LRFN2: variants seen among roughly 807,000 people sequenced by gnomAD.
LRFN2 encodes leucine-rich repeat and fibronectin type-III domain-containing protein 2.
Under a neutral mutation model 37.3 loss-of-function variants are expected in LRFN2, and 18 were observed. The observed-to-expected ratio is 0.48, with a 90% CI of 0.33 to 0.72. The LOEUF is 0.72. Among genes scored for constraint, LRFN2 ranks in the 30% least tolerant of loss-of-function variants. The pLI is 0.02. For synonymous variants in LRFN2, 556 were observed against 466.6 expected (o/e 1.19, Z -2.47); for missense variants, 1,006 against 1,060.7 (o/e 0.95, Z 0.72).
chr6:40,492,137 G>T (rs546259866), intron 1 of LRFN2, among the ~76,000 whole-genome samples: 5 of 152,336 alleles, frequency 3.3e-5, no homozygotes, highest in East Asian at 1.9e-4. Flanking sequence ...GTGGTCTAAG[G>T]TACCTTTGAG....
chr6:40,510,660 G>A (rs1385893669), intron 1 of LRFN2, among the ~76,000 whole-genome samples: 1 of 152,244 alleles, frequency 6.6e-6, no homozygotes, highest in Non-Finnish European at 1.5e-5. Context: ...GTGATAAGCT[G>A]ACAGGTCCAT....
intron 1 of LRFN2, among the ~76,000 whole-genome samples, chr6:40,553,098 C>T (rs576093899): frequency 5.6e-4 from 86 of 152,280 alleles, no homozygotes; most frequent in African/African-American, 1.9e-3. Flanking sequence ...CCTTCTTGTT[C>T]GCTCCGCTCT....
intron 1 of LRFN2, among the ~76,000 whole-genome samples, chr6:40,500,325 G>A (rs928920564): frequency 2.0e-5 from 3 of 152,264 alleles, no homozygotes; most frequent in South Asian, 2.1e-4. Flanking sequence ...CACAGGGGAC[G>A]TGGAGGGTGA....
At chr6:40,510,565 A>G (rs980291597) in intron 1 of LRFN2, among the ~76,000 whole-genome samples, 3 of 152,240 alleles carry the variant, frequency 2.0e-5, no homozygotes, top group African/African-American at 7.2e-5. Flanking sequence ...ATGATGCCAG[A>G]CCTTGGGTTC....
chr6:40,585,692 C>T (rs1353656387), intron 1 of LRFN2, among the ~76,000 whole-genome samples: 1 of 152,116 alleles, frequency 6.6e-6, no homozygotes, highest in Non-Finnish European at 1.5e-5. Flanking sequence ...CTTCACAGCC[C>T]AGGGAATGGC....
intron 1 of LRFN2, among the ~76,000 whole-genome samples, chr6:40,566,053 C>A (rs1767084030): frequency 6.6e-6 from 1 of 152,128 alleles, no homozygotes; most frequent in Non-Finnish European, 1.5e-5. Context: ...AAACAAACAG[C>A]CCCATCAAAA....
intron 1 of LRFN2, among the ~76,000 whole-genome samples, chr6:40,516,909 A>C (rs999177765): frequency 2.0e-5 from 3 of 152,194 alleles, no homozygotes; most frequent in Non-Finnish European, 1.5e-5. Context: ...TCATCTGGGC[A>C]GAGCTCTCCA....
At chr6:40,535,258 G>A (rs1239978345) in intron 1 of LRFN2, among the ~76,000 whole-genome samples, 3 of 152,106 alleles carry the variant, frequency 2.0e-5, no homozygotes, top group Non-Finnish European at 2.9e-5. Context: ...ATGCCCTTTG[G>A]GAGGCATTCT....
chr6:40,570,597 G>A (rs1767169575), intron 1 of LRFN2, among the ~76,000 whole-genome samples: 1 of 152,190 alleles, frequency 6.6e-6, no homozygotes, highest in African/African-American at 2.4e-5. Context: ...AAACCAACAA[G>A]CAGATACAGA....
rs558284614 is a variant in LRFN2 at position 40,535,842 on chromosome 6, G to T, written c.-19+51099C>A. ...GTGTAGAGAACCCAGGTCAGCCAAA[G>T]CTTCCTTTGATGTGCACAATGCAGA... On this transcript the variant is annotated intron_variant, in intron 1 of 2. Transcript: ENST00000338305. Among the ~76,000 whole-genome samples the T allele has an allele frequency of 5.3e-5, 8 of 152,140 alleles. No homozygotes were observed. In the South Asian group the frequency reaches 1.7e-3, roughly 32 times the overall value.
intron 1 of LRFN2, among the ~76,000 whole-genome samples, chr6:40,511,147 C>T (rs968355503): frequency 7.9e-5 from 12 of 151,962 alleles, no homozygotes; most frequent in Admixed American, 4.6e-4. Flanking sequence ...TGAGGGGGCA[C>T]GAAGGTCAGA....
chr6:40,522,855 G>A (rs535997822), intron 1 of LRFN2, among the ~76,000 whole-genome samples: 1 of 152,228 alleles, frequency 6.6e-6, no homozygotes, highest in Non-Finnish European at 1.5e-5. Context: ...CCTGTGTCAT[G>A]TTTGTGACTC....
intron 2 of LRFN2, among the ~76,000 whole-genome samples, chr6:40,409,876 T>A (rs1373674844): frequency 6.6e-6 from 1 of 152,208 alleles, no homozygotes; most frequent in Non-Finnish European, 1.5e-5. Context: ...GCTGCTGAGT[T>A]GCTGCATCAT....
intron 1 of LRFN2, among the ~76,000 whole-genome samples, chr6:40,566,492 C>T (rs1404897338): frequency 2.0e-5 from 3 of 152,028 alleles, no homozygotes; most frequent in Non-Finnish European, 4.4e-5. Flanking sequence ...CCCAAATGTC[C>T]AACAATGATA....
rs573534122 is a variant in LRFN2 at position 40,555,863 on chromosome 6, C to A, written c.-19+31078G>T. Among the ~76,000 whole-genome samples the A allele has an allele frequency of 3.3e-3, 498 of 152,300 alleles. 3 individuals carry two copies. Among genetic ancestry groups the A allele is most frequent in the African/African-American group, 0.011 (467 of 41,570 alleles). ...CATCCCTCCCCACACCGCTCTCTGACATGCACAATGTCCATATAATTTCTT... is the reference window on the plus strand; with the variant it reads ...CATCCCTCCCCACACCGCTCTCTGAAATGCACAATGTCCATATAATTTCTT... On this transcript the variant is annotated intron_variant, in intron 1 of 2. Coordinates refer to ENST00000338305, the MANE Select transcript of LRFN2 (RefSeq NM_020737.3).
In LRFN2 at chr6:40,563,754, G is replaced by T. The variant is rs147940553; in HGVS notation, c.-19+23187C>A. On this transcript the variant is annotated intron_variant, in intron 1 of 2. Coordinates refer to ENST00000338305, the MANE Select transcript of LRFN2 (RefSeq NM_020737.3). ...ACAATAAGATGATAAGACAGATGTG[G>T]AAGTAGCTTCAGCCTCCCCACAATT... Among the ~76,000 whole-genome samples, 60 of 152,250 alleles carry T rather than the reference G, an allele frequency of 3.9e-4. No individual in the cohort carries two copies. The South Asian group carries it at 6.2e-3, about 16-fold the overall frequency.
Position 40,432,379 on chromosome 6 carries a change from G to A in LRFN2, c.735C>T (p.His245=), listed in dbSNP as rs1392951360. ...GCAGCCAGAGAAGCTCACAATTGCA[G>A]TGAAGTGGGTTACCCCCAAAACTAA... ...LSFSFGGNPL[H]CNCELLWLRR... is the part of the protein sequence containing the mutation. Residue 245 remains histidine (H), a synonymous_variant, in exon 2 of 3, where the codon CAC becomes CAT. Transcript: ENST00000338305. The A allele has an allele frequency of 6.2e-7, 1 of 1,614,180 alleles. No individual in the cohort carries two copies. Among genetic ancestry groups the A allele is most frequent in the East Asian group, 2.2e-5 (1 of 44,874 alleles).
intron 1 of LRFN2, among the ~76,000 whole-genome samples, chr6:40,468,902 G>A (rs1417259821): frequency 6.6e-6 from 1 of 152,184 alleles, no homozygotes; most frequent in African/African-American, 2.4e-5. Flanking sequence ...CAGGGGACAG[G>A]AGGAGGGACA....
rs1763516242 is a variant in LRFN2 at position 40,432,268 on chromosome 6, C to T, written c.846G>A (p.Glu282=). The change falls in exon 2 of 3, where the codon GAG becomes GAA. Residue 282 remains glutamate (E), a synonymous_variant. Transcript: ENST00000338305. ...KGRYFWHVRE[E]EFVCEPPLIT... The stretch of plus-strand genomic sequence containing the variant: ...TGAGAGGCGGCTCGCACACAAACTC[C>T]TCCTCACGCACATGCCAGAAGTAGC... The T allele has an allele frequency of 1.2e-6, 2 of 1,614,088 alleles. No individual in the cohort carries two copies.
Sources: gnomAD v4.1 joint callset for allele counts (sites outside exome capture counted in the v4.1 genomes callset) on GRCh38, gnomAD v4.1.1 for gene constraint, MANE v1.5 for transcripts, NCBI Gene and HGNC (gene_info 2026-07-23, HGNC 2026-07-21) for gene names.